Variants in CLK1 observed in about 807,000 individuals in gnomAD.
CLK1 encodes dual specificity protein kinase CLK1.
A neutral mutation model predicts 60.9 loss-of-function variants in CLK1; 40 were observed. The ratio of observed to expected loss-of-function variants is 0.66; its 90% confidence interval spans 0.51 to 0.86. The LOEUF is 0.86. CLK1 is among the 40% of genes least tolerant of loss of function. The probability of loss-of-function intolerance (pLI) is 0.00; values close to 1 mark genes in which losing one functional copy is unlikely to be tolerated. For synonymous variants in CLK1, 203 were observed against 184.4 expected (o/e 1.10, Z -0.82); for missense variants, 563 against 606.1 (o/e 0.93, Z 0.75).
chr2:200,855,787 T>C (rs2039030897), intron 9 of CLK1, among the ~76,000 whole-genome samples: 1 of 151,884 alleles, frequency 6.6e-6, no homozygotes, highest in Non-Finnish European at 1.5e-5. Context: ...GGCAGGCAGA[T>C]TGCTCCAGGT....
At chr2:200,855,121 A>T in intron 9 of CLK1, 35 bp from the exon 10 acceptor site, 1 of 1,471,002 alleles carries the variant, frequency 6.8e-7, no homozygotes, top group Non-Finnish European at 9.3e-7. Flanking sequence ...GAAAAAAAAT[A>T]CTCAATGTTT....
chr2:200,853,327 G>A lies in CLK1; in HGVS notation c.1434C>T (p.Asp478=), dbSNP rs34669059. 3.7e-6 allele frequency: 6 copies of A among 1,611,176 alleles called. No individual in the cohort carries two copies. In the African/African-American group the frequency reaches 8.0e-5, roughly 22 times the overall value. Residue 478 remains aspartate, a synonymous_variant, in exon 13 of 13, where the codon GAC becomes GAT. Coordinates refer to ENST00000321356, the MANE Select transcript of CLK1 (RefSeq NM_004071.4). ...AGATCTATATACTTTTCTTCAGAAG[G>A]TCAAAGAAAGGATGCTTTAAGGCTT... ...LREALKHPFF[D]LLKKSI is the part of the protein sequence containing the mutation.
Position 200,861,329 on chromosome 2 carries a change from T to G in CLK1, c.299A>C (p.His100Pro). Residue 100 changes from histidine (H) to proline (P), a missense_variant, in exon 3 of 13, where the codon CAT (histidine) becomes CCT (proline). Coordinates refer to ENST00000321356, the MANE Select transcript of CLK1 (RefSeq NM_004071.4). ...QRDHESRYQN[H>P]SSKSSGRSGR... ...ACTTCTACCAGAAGACTTGCTACTA[T>G]GGTTCTGATACCGGCTTTCATGGTC... The G allele has an allele frequency of 6.2e-7, 1 of 1,614,214 alleles. No individual in the cohort carries two copies. Among genetic ancestry groups the G allele is most frequent in the Non-Finnish European group, 8.5e-7 (1 of 1,180,020 alleles).
intron 5 of CLK1, 98 bp from the exon 6 acceptor site, chr2:200,858,187 AT>A: frequency 1.2e-6 from 1 of 825,748 alleles, no homozygotes; most frequent in Non-Finnish European, 2.1e-6. Flanking sequence ...GACCCACTGT[AT>A]TTTTTTAATT....
Position 200,860,945 on chromosome 2 carries a change from A to C in CLK1, c.390+293T>G. 4 of 1,152,060 alleles carry C rather than the reference A, an allele frequency of 3.5e-6. No homozygotes were observed. In the South Asian group the frequency reaches 8.6e-5, roughly 25 times the overall value. The allele number at this position is 1,152,060 out of a possible 1,614,324, so 71.4% of individuals were successfully genotyped here. On this transcript the variant is annotated intron_variant, in intron 3 of 12. Transcript: ENST00000321356. ...CAGGTTTCTTGAAGTACCACAAAAA[A>C]CCCTTTTAGAATATTTTGTAATAAT... is the stretch of plus-strand genomic sequence containing the variant.
At position 200,861,252 on chromosome 2, in the gene CLK1, G is replaced by A. The variant is rs753962479; in HGVS notation, c.376C>T (p.Arg126Cys). 52 of 1,613,882 alleles carry A rather than the reference G, an allele frequency of 3.2e-5. No homozygotes were observed. Among genetic ancestry groups the A allele is most frequent in the Non-Finnish European group, 4.2e-5 (50 of 1,179,938 alleles). ...AACGTTCATACCCCATGTGAACGAC[G>A]ATGTGAAGTACTGTGGTGAATCCTG... is the stretch of plus-strand genomic sequence containing the variant. The part of the protein sequence containing the change: ...KHRIHHSTSH[R>C]RSHGKSHRRK... Residue 126 changes from arginine (R) to cysteine (C), a missense_variant, in exon 3 of 13, where the codon CGT becomes TGT. Arg to Cys is a radical substitution (Grantham distance 180, BLOSUM62 -3). Transcript: ENST00000321356.
intron 2 of CLK1, 23 bp from the exon 3 acceptor site, chr2:200,861,489 C>A: frequency 6.2e-7 from 1 of 1,609,336 alleles, no homozygotes; most frequent in South Asian, 1.1e-5. Flanking sequence ...AAATTATTTT[C>A]AATGTTTTAT....
chr2:200,859,965 A>G, intron 4 of CLK1, 160 bp downstream of exon 4: 1 of 1,433,054 alleles, frequency 7.0e-7, no homozygotes. Flanking sequence ...TTACATTTCT[A>G]AAGAAAGCAA....
intron 1 of CLK1, 186 bp downstream of exon 1, chr2:200,864,378 G>T: frequency 1.8e-6 from 2 of 1,093,572 alleles, no homozygotes; most frequent in Non-Finnish European, 2.5e-6. Flanking sequence ...ATCCGGCGGC[G>T]ACAGGCTCGG....
intron 2 of CLK1, 80 bp from the exon 3 acceptor site, chr2:200,861,546 T>TC (rs1304214781): frequency 6.4e-7 from 1 of 1,567,974 alleles, no homozygotes. Context: ...GCACCTAGAC[T>TC]CCCCCACAAG....
rs1055784399 is a variant in CLK1 at position 200,864,207 on chromosome 2, G to A, written c.-1+357C>T. On this transcript the variant is annotated intron_variant, in intron 1 of 12. Transcript: ENST00000321356. ...CCTTTCCGGCCACAGGGCCGAAGCC[G>A]GCCTCCGCCCAGCCGCCATCTTACA... is the stretch of plus-strand genomic sequence containing the variant. 14 of 1,549,472 alleles carry A rather than the reference G, an allele frequency of 9.0e-6. No homozygotes were observed. The Admixed American group carries it at 2.2e-4, about 24-fold the overall frequency.
chr2:200,854,760 C>G (rs2039011856), intron 10 of CLK1, 65 bp from the exon 11 acceptor site: 1 of 1,206,032 alleles, frequency 8.3e-7, no homozygotes, highest in Non-Finnish European at 1.2e-6. Flanking sequence ...TTAAAGCTGA[C>G]AGCAAAAAAA....
chr2:200,862,174 C>T (rs1036283984), intron 1 of CLK1, among the ~76,000 whole-genome samples: 1 of 152,078 alleles, frequency 6.6e-6, no homozygotes, highest in Non-Finnish European at 1.5e-5. Flanking sequence ...TTACCCCTGC[C>T]CTCCCAGTAG....
chr2:200,855,919 G>T (rs2039032754), intron 9 of CLK1, among the ~76,000 whole-genome samples: 2 of 149,606 alleles, frequency 1.3e-5, no homozygotes, highest in African/African-American at 4.9e-5. Flanking sequence ...TGAGGCAGGA[G>T]AATTGCTTGA....
intron 5 of CLK1, 89 bp from the exon 6 acceptor site, chr2:200,858,178 A>T: frequency 1.2e-6 from 1 of 861,918 alleles, no homozygotes; most frequent in South Asian, 1.4e-5. Flanking sequence ...TACTACTCTG[A>T]CCCACTGTAT....
In CLK1 at chr2:200,859,666, C is replaced by T. The variant is rs767187789; in HGVS notation, c.548+14G>A. On this transcript the variant is annotated intron_variant, in intron 5 of 12. Coordinates refer to ENST00000321356, the MANE Select transcript of CLK1 (RefSeq NM_004071.4). ...CCAACTTCCCTAAAAGTAATCCCAA[C>T]ATGGGAAACTTACGCTTTATGATCG... 6.2e-7 allele frequency: 1 copy of T among 1,608,460 alleles called. No homozygotes were observed. Among genetic ancestry groups the T allele is most frequent in the Admixed American group, 1.7e-5 (1 of 59,228 alleles).
intron 11 of CLK1, 48 bp from the exon 12 acceptor site, chr2:200,854,041 A>C: frequency 7.7e-7 from 1 of 1,292,896 alleles, no homozygotes; most frequent in Non-Finnish European, 1.1e-6. Flanking sequence ...TGAAAACTTA[A>C]AACAGCTAGC....
intron 3 of CLK1, 152 bp from the exon 4 acceptor site, chr2:200,860,367 A>T (rs1475508190): frequency 7.0e-7 from 1 of 1,418,536 alleles, no homozygotes; most frequent in African/African-American, 1.4e-5. Flanking sequence ...GCAATTTCAA[A>T]TTCAGTCCCC....
chr2:200,858,979 A>G (rs1322066837), intron 5 of CLK1, among the ~76,000 whole-genome samples: 1 of 152,194 alleles, frequency 6.6e-6, no homozygotes, highest in Non-Finnish European at 1.5e-5. Context: ...GTTCGAGACC[A>G]GCCTGGCCAA....
Sources: allele counts gnomAD v4.1 joint callset (sites outside exome capture counted in the v4.1 genomes callset), GRCh38; gene constraint gnomAD v4.1.1; transcripts MANE v1.5; gene names NCBI Gene and HGNC (gene_info 2026-07-23, HGNC 2026-07-21).